Variants in ANO4 observed in about 807,000 individuals in gnomAD.
The protein encoded by ANO4 is anoctamin 4.
A neutral mutation model predicts 141.9 loss-of-function variants in ANO4; 69 were observed. The observed-to-expected ratio is 0.49, with a 90% CI of 0.40 to 0.59. The LOEUF (loss-of-function observed/expected upper bound fraction) is 0.59. Among genes scored for constraint, ANO4 ranks in the 20% least tolerant of loss-of-function variants. The probability of loss-of-function intolerance (pLI) is 0.00; values close to 1 mark genes in which losing one functional copy is unlikely to be tolerated. For missense variants in ANO4, 894 were observed against 1,162.2 expected (o/e 0.77, Z 3.36); for synonymous variants, 350 against 394.3 (o/e 0.89, Z 1.33).
intron 3 of ANO4, among the ~76,000 whole-genome samples, chr12:100,740,663 A>G (rs1164242091): frequency 2.6e-5 from 4 of 152,240 alleles, no homozygotes; most frequent in Non-Finnish European, 5.9e-5. Flanking sequence ...GATCTATTTC[A>G]GGGGTCTGCA....
intron 14 of ANO4, among the ~76,000 whole-genome samples, chr12:101,053,541 C>T (rs147550406): frequency 2.4e-3 from 371 of 152,246 alleles, no homozygotes; most frequent in Non-Finnish European, 4.2e-3. Flanking sequence ...CTGGTGATGG[C>T]TGATGGTCCT....
At chr12:101,032,575 G>A (rs1378725871) in intron 9 of ANO4, among the ~76,000 whole-genome samples, 1 of 152,158 alleles carries the variant, frequency 6.6e-6, no homozygotes, top group East Asian at 1.9e-4. Flanking sequence ...TCATCTGACA[G>A]AGGGCTAATA....
intron 1 of ANO4, among the ~76,000 whole-genome samples, chr12:100,733,544 G>T (rs2031478857): frequency 6.6e-6 from 1 of 152,130 alleles, no homozygotes; most frequent in Admixed American, 6.5e-5. Context: ...AACTGCAATT[G>T]CCTGTGTGTA....
chr12:100,868,176 G>A (rs1213939020), intron 1 of ANO4, among the ~76,000 whole-genome samples: 2 of 152,168 alleles, frequency 1.3e-5, no homozygotes, highest in Non-Finnish European at 2.9e-5. Flanking sequence ...CCTGGAAACA[G>A]CCATAGGATG....
At chr12:100,770,957 C>T (rs1228031515) in intron 3 of ANO4, among the ~76,000 whole-genome samples, 1 of 152,004 alleles carries the variant, frequency 6.6e-6, no homozygotes, top group Non-Finnish European at 1.5e-5. Flanking sequence ...ATTAGTGGAG[C>T]TGGTGGGCAT....
chr12:100,860,908 A>C (rs2038434888), intron 1 of ANO4, among the ~76,000 whole-genome samples: 1 of 152,204 alleles, frequency 6.6e-6, no homozygotes, highest in African/African-American at 2.4e-5. Context: ...GCTGACTTCA[A>C]GAATGGGGCC....
At chr12:101,073,098 G>T (rs1416359837) in intron 14 of ANO4, among the ~76,000 whole-genome samples, 3 of 152,150 alleles carry the variant, frequency 2.0e-5, no homozygotes, top group Admixed American at 6.5e-5. Flanking sequence ...GTACCCAAAG[G>T]ATTATAAATC....
intron 5 of ANO4, among the ~76,000 whole-genome samples, chr12:100,966,342 A>G (rs2043652896): frequency 6.6e-6 from 1 of 152,044 alleles, no homozygotes; most frequent in Admixed American, 6.5e-5. Context: ...TTTACATTTG[A>G]ACAAACTGAG....
chr12:101,017,574 C>T (rs921020066), intron 8 of ANO4, among the ~76,000 whole-genome samples: 1 of 152,166 alleles, frequency 6.6e-6, no homozygotes, highest in Non-Finnish European at 1.5e-5. Flanking sequence ...TCTCAGCTGA[C>T]CTCCAGGAGA....
chr12:100,926,768 T>G (rs1227231290), intron 3 of ANO4, among the ~76,000 whole-genome samples: 1 of 152,148 alleles, frequency 6.6e-6, no homozygotes, highest in African/African-American at 2.4e-5. Flanking sequence ...TGCCTTTTTT[T>G]TCTGAAAGCC....
intron 3 of ANO4, among the ~76,000 whole-genome samples, chr12:100,931,495 A>G (rs2042086922): frequency 6.6e-6 from 1 of 152,174 alleles, no homozygotes; most frequent in Non-Finnish European, 1.5e-5. Flanking sequence ...GAATTGAATG[A>G]AAATTCATCT....
At chr12:100,976,351 A>C (rs2044192715) in intron 7 of ANO4, among the ~76,000 whole-genome samples, 1 of 152,188 alleles carries the variant, frequency 6.6e-6, no homozygotes, top group African/African-American at 2.4e-5. Flanking sequence ...CCTCCAAAGA[A>C]GTGAAAATGT....
chr12:100,848,503 CTT>C (rs1241780419), intron 1 of ANO4, among the ~76,000 whole-genome samples: 2 of 152,158 alleles, frequency 1.3e-5, no homozygotes, highest in Non-Finnish European at 2.9e-5. Context: ...AAATCAAACT[CTT>C]TTGATGATAC....
intron 8 of ANO4, among the ~76,000 whole-genome samples, chr12:100,996,420 C>T (rs1331482610): frequency 2.0e-5 from 3 of 152,222 alleles, no homozygotes; most frequent in Admixed American, 2.0e-4. Flanking sequence ...TGCAGTGGCT[C>T]ATGCCTGTAA....
At chr12:101,034,787 T>C (rs2047128135) in intron 9 of ANO4, among the ~76,000 whole-genome samples, 1 of 152,092 alleles carries the variant, frequency 6.6e-6, no homozygotes, top group Non-Finnish European at 1.5e-5. Flanking sequence ...AGAGAAGATA[T>C]ACAGATGGCA....
intron 8 of ANO4, among the ~76,000 whole-genome samples, chr12:101,006,499 G>A (rs1352697339): frequency 6.6e-6 from 1 of 152,170 alleles, no homozygotes; most frequent in Non-Finnish European, 1.5e-5. Flanking sequence ...TTGCACATGT[G>A]CATTTTGCAG....
chr12:101,107,427 G>A (rs1566258696), intron 22 of ANO4, among the ~76,000 whole-genome samples: 1 of 152,184 alleles, frequency 6.6e-6, no homozygotes, highest in Non-Finnish European at 1.5e-5. Context: ...TTATGGTGGT[G>A]AGCAGAGTTG....
chr12:100,788,908 G>A (rs2033956340), intron 3 of ANO4, among the ~76,000 whole-genome samples: 1 of 152,048 alleles, frequency 6.6e-6, no homozygotes, highest in Non-Finnish European at 1.5e-5. Flanking sequence ...ATTGAGGTGG[G>A]GAGTCAGGGA....
intron 7 of ANO4, among the ~76,000 whole-genome samples, chr12:100,976,989 T>C (rs911210696): frequency 3.9e-5 from 6 of 152,204 alleles, no homozygotes; most frequent in Non-Finnish European, 8.8e-5. Context: ...AAAACCTATG[T>C]TGGCACTGGA....
Sources: gnomAD v4.1 joint callset for allele counts (sites outside exome capture counted in the v4.1 genomes callset) on GRCh38, gnomAD v4.1.1 for gene constraint, MANE v1.5 for transcripts, NCBI Gene and HGNC (gene_info 2026-07-23, HGNC 2026-07-21) for gene names.